The following LHFPL6 variants were observed in gnomAD, a reference collection of about 807,000 sequenced individuals.
LHFPL6 encodes LHFPL tetraspan subfamily member 6.
In LHFPL6, 9 loss-of-function variants were observed where a neutral mutation model predicts 20.6. The observed-to-expected ratio is 0.44, with a 90% confidence interval of 0.26 to 0.76. LHFPL6 has a LOEUF of 0.76. Among genes scored for constraint, LHFPL6 ranks in the 30% least tolerant of loss-of-function variants. LHFPL6 has a pLI of 0.20. For missense variants in LHFPL6, 218 were observed against 253.5 expected, an observed-to-expected ratio of 0.86 and a Z score of 0.95; for synonymous variants, 105 against 98.7, an observed-to-expected ratio of 1.06 and a Z score of -0.38.
chr13:39,371,970 G>A (rs562186475), intron 3 of LHFPL6, among the ~76,000 whole-genome samples: 30 of 152,324 alleles, frequency 2.0e-4, no homozygotes, highest in Non-Finnish European at 4.3e-4. Context: ...CAACCATGGG[G>A]AGAACTAACG....
intron 2 of LHFPL6, among the ~76,000 whole-genome samples, chr13:39,592,096 CAA>C (rs997281311): frequency 5.0e-5 from 6 of 120,230 alleles, no homozygotes; most frequent in African/African-American, 3.1e-5. Flanking sequence ...AACTCCGTCT[CAA>C]AAAAAAAAAA....
At chr13:39,445,954 C>T (rs902870372) in intron 2 of LHFPL6, among the ~76,000 whole-genome samples, 1 of 150,692 alleles carries the variant, frequency 6.6e-6, no homozygotes, top group Non-Finnish European at 1.5e-5. Flanking sequence ...GCATTTTTCT[C>T]TCCACAAAAA....
intron 3 of LHFPL6, among the ~76,000 whole-genome samples, chr13:39,350,477 T>G (rs1869532343): frequency 6.6e-6 from 1 of 152,218 alleles, no homozygotes. Context: ...TCTTCATGAG[T>G]AGTAATGAAA....
At chr13:39,373,123 T>C (rs1870202005) in intron 3 of LHFPL6, among the ~76,000 whole-genome samples, 1 of 152,190 alleles carries the variant, frequency 6.6e-6, no homozygotes, top group African/African-American at 2.4e-5. Flanking sequence ...AGCAACTAAA[T>C]ACAAGTCAGG....
At chr13:39,370,957 A>G (rs1047463485) in intron 3 of LHFPL6, among the ~76,000 whole-genome samples, 2 of 152,196 alleles carry the variant, frequency 1.3e-5, no homozygotes, top group Non-Finnish European at 2.9e-5. Flanking sequence ...TTTCTCAAGT[A>G]TGATTAGATT....
In LHFPL6 at chr13:39,343,814, A is replaced by T; in HGVS notation, c.*122T>A. 1 of 613,428 alleles carries T rather than the reference A, an allele frequency of 1.6e-6. No individual in the cohort carries two copies. The highest frequency in any genetic ancestry group is 2.9e-5 in the South Asian group (1 of 34,548). 38.0% of individuals were successfully genotyped at this position (613,428 alleles called of 1,614,324 possible). On this transcript the variant is annotated 3_prime_UTR_variant, in exon 4 of 4. Coordinates refer to ENST00000379589, the MANE Select transcript of LHFPL6 (RefSeq NM_005780.3). Reference sequence around the variant, plus strand: ...CATGTTCCTGATTTTATCGGGTTTCATTTTATTAGCATTGTATTGGATTAG... The same window carrying T: ...CATGTTCCTGATTTTATCGGGTTTCTTTTTATTAGCATTGTATTGGATTAG...
intron 2 of LHFPL6, among the ~76,000 whole-genome samples, chr13:39,490,880 A>G (rs908553055): frequency 2.0e-5 from 3 of 152,182 alleles, no homozygotes; most frequent in Admixed American, 6.5e-5. Flanking sequence ...TATAGAAACG[A>G]GCAGTATTAA....
intron 2 of LHFPL6, among the ~76,000 whole-genome samples, chr13:39,488,665 T>C (rs996331902): frequency 1.3e-5 from 2 of 152,358 alleles, no homozygotes; most frequent in South Asian, 2.1e-4. Context: ...TAATTATTAA[T>C]CATTATAATG....
At chr13:39,470,714 T>C (rs1872921958) in intron 2 of LHFPL6, among the ~76,000 whole-genome samples, 1 of 152,164 alleles carries the variant, frequency 6.6e-6, no homozygotes, top group Non-Finnish European at 1.5e-5. Context: ...AGCCTGATTC[T>C]TGGTCCAACA....
At chr13:39,469,667 TAA>T (rs1474449786) in intron 2 of LHFPL6, among the ~76,000 whole-genome samples, 2 of 152,214 alleles carry the variant, frequency 1.3e-5, no homozygotes, top group African/African-American at 4.8e-5. Flanking sequence ...GCTCATGGAA[TAA>T]ACTTGTAGTA....
Position 39,350,661 on chromosome 13 carries a change from T to C in LHFPL6, c.485-6607A>G, listed in dbSNP as rs189193821. 6.0e-3 allele frequency among the ~76,000 whole-genome samples: 917 copies of C among 152,360 alleles called. 15 individuals are homozygous for C. Among genetic ancestry groups the C allele is most frequent in the African/African-American group, 0.021 (872 of 41,586 alleles). ...GGAAATCTGTTTAAACTTTCCCTTTTGCTCTCCGTAATGCTCCATCAAACA... is the reference window on the plus strand; with the variant it reads ...GGAAATCTGTTTAAACTTTCCCTTTCGCTCTCCGTAATGCTCCATCAAACA... On this transcript the variant is annotated intron_variant, in intron 3 of 3. Coordinates refer to ENST00000379589, the MANE Select transcript of LHFPL6 (RefSeq NM_005780.3).
chr13:39,488,342 T>C (rs1028542100), intron 2 of LHFPL6, among the ~76,000 whole-genome samples: 21 of 152,228 alleles, frequency 1.4e-4, no homozygotes, highest in African/African-American at 4.8e-4. Flanking sequence ...ACATCTAGTT[T>C]AGTAAGAATT....
intron 2 of LHFPL6, among the ~76,000 whole-genome samples, chr13:39,583,865 G>A (rs778818105): frequency 1.7e-4 from 26 of 151,960 alleles, no homozygotes; most frequent in South Asian, 8.3e-4. Context: ...ATCCTCCCTC[G>A]TGTCCTCCGG....
intron 2 of LHFPL6, among the ~76,000 whole-genome samples, chr13:39,583,169 C>CTT (rs34898470): frequency 0.02 from 2,261 of 114,090 alleles, 74 homozygotes; most frequent in African/African-American, 0.053. Flanking sequence ...ATGCCAAATT[C>CTT]TTTTTTTTTT....
At chr13:39,435,928 CA>C (rs1477635065) in intron 2 of LHFPL6, among the ~76,000 whole-genome samples, 8 of 151,890 alleles carry the variant, frequency 5.3e-5, no homozygotes, top group Admixed American at 4.6e-4. Flanking sequence ...GTGATGTTCA[CA>C]AAAAACTGGA....
intron 3 of LHFPL6, among the ~76,000 whole-genome samples, chr13:39,347,340 C>T (rs1451364698): frequency 6.6e-6 from 1 of 152,094 alleles, no homozygotes; most frequent in Non-Finnish European, 1.5e-5. Context: ...CTGGTAAACA[C>T]CTAATAAATA....
chr13:39,347,799 C>T (rs2138334109), intron 3 of LHFPL6, among the ~76,000 whole-genome samples: 1 of 152,278 alleles, frequency 6.6e-6, no homozygotes, highest in Non-Finnish European at 1.5e-5. Flanking sequence ...GATGGCCAAT[C>T]GTGTAGAACA....
chr13:39,531,136 C>G (rs1272317298), intron 2 of LHFPL6, among the ~76,000 whole-genome samples: 1 of 152,208 alleles, frequency 6.6e-6, no homozygotes, highest in East Asian at 1.9e-4. Context: ...CAAACTTCAG[C>G]TTTTTCCAAT....
chr13:39,441,807 T>G (rs1475962622), intron 2 of LHFPL6, among the ~76,000 whole-genome samples: 2 of 149,634 alleles, frequency 1.3e-5, no homozygotes, highest in African/African-American at 4.9e-5. Context: ...GCCACTACAC[T>G]GCACCTGGGC....
Sources: allele counts gnomAD v4.1 joint callset (sites outside exome capture counted in the v4.1 genomes callset), GRCh38; gene constraint gnomAD v4.1.1; transcripts MANE v1.5; gene names NCBI Gene and HGNC (gene_info 2026-07-23, HGNC 2026-07-21).